The following EBPL variants were observed in gnomAD, a reference collection of about 807,000 sequenced individuals.
EBPL encodes emopamil-binding protein-like.
EBPL carries 20 observed loss-of-function variants against 19.0 expected under a neutral mutation model. The observed-to-expected ratio is 1.05, with a 90% confidence interval of 0.74 to 1.53. EBPL has a LOEUF of 1.53. Ranked by LOEUF, EBPL falls within the 40% of genes most tolerant of loss-of-function variation. The pLI is 0.00. For synonymous variants in EBPL, 107 were observed against 117.0 expected, an observed-to-expected ratio of 0.91 and a Z score of 0.55; for missense variants, 219 against 261.1, an observed-to-expected ratio of 0.84 and a Z score of 1.11.
chr13:49,676,271 GC>G (rs1566318168), intron 1 of EBPL, among the ~76,000 whole-genome samples: 1 of 152,168 alleles, frequency 6.6e-6, no homozygotes, highest in Non-Finnish European at 1.5e-5. Flanking sequence ...CTCCCCTGCT[GC>G]CTGGTAACCT....
In EBPL at chr13:49,663,149, T is replaced by G; in HGVS notation, c.288A>C (p.Pro96=). Residue 96 remains proline, a synonymous_variant, in exon 3 of 4, where the codon CCA becomes CCC. Transcript: ENST00000242827. ...KADARWVYFD[P]TIVSVEILTV... ...TCAGAATTTCCACAGACACAATGGT[T>G]GGATCAAAATAAACCCATCTTGCAT... 2 of 1,614,206 alleles carry G rather than the reference T, an allele frequency of 1.2e-6. No homozygotes were observed. The highest frequency in any genetic ancestry group is 1.7e-6 in the Non-Finnish European group (2 of 1,180,032).
intron 3 of EBPL, 58 bp downstream of exon 3, chr13:49,662,999 A>G: frequency 6.2e-7 from 1 of 1,601,152 alleles, no homozygotes; most frequent in Non-Finnish European, 8.5e-7. Flanking sequence ...AGGTCACCTA[A>G]GTGTTGGGAC....
chr13:49,682,692 C>T (rs9596170), intron 1 of EBPL, among the ~76,000 whole-genome samples: 23,918 of 152,162 alleles, frequency 0.16, 2,752 homozygotes, highest in East Asian at 0.65. Flanking sequence ...TTCTCACAGC[C>T]GTTTGAAGAA....
intron 1 of EBPL, among the ~76,000 whole-genome samples, chr13:49,678,993 G>A (rs1302199218): frequency 1.3e-5 from 1 of 75,564 alleles, no homozygotes; most frequent in Non-Finnish European, 2.3e-5. Flanking sequence ...GGGTGACAGA[G>A]TGAGACTCCG....
At chr13:49,682,483 G>C (rs1953952978) in intron 1 of EBPL, among the ~76,000 whole-genome samples, 1 of 152,210 alleles carries the variant, frequency 6.6e-6, no homozygotes, top group Non-Finnish European at 1.5e-5. Context: ...TAAGAGGACA[G>C]AGAAGAGAAT....
chr13:49,662,593 T>G (rs1184199264), intron 3 of EBPL, among the ~76,000 whole-genome samples: 1 of 152,112 alleles, frequency 6.6e-6, no homozygotes, highest in African/African-American at 2.4e-5. Flanking sequence ...ATGATCCTAG[T>G]AGCACCATCA....
At chr13:49,681,210 C>T (rs1351639900) in intron 1 of EBPL, among the ~76,000 whole-genome samples, 3 of 152,136 alleles carry the variant, frequency 2.0e-5, no homozygotes, top group Non-Finnish European at 4.4e-5. Context: ...GAGCTGCTAA[C>T]AAAATCAGCT....
At chr13:49,683,032 GGC>G (rs1953958732) in intron 1 of EBPL, among the ~76,000 whole-genome samples, 1 of 152,084 alleles carries the variant, frequency 6.6e-6, no homozygotes, top group Non-Finnish European at 1.5e-5. Flanking sequence ...GGAGTGCAGT[GGC>G]GCCATCTTGG....
intron 1 of EBPL, among the ~76,000 whole-genome samples, chr13:49,688,231 G>A (rs896134473): frequency 6.6e-6 from 1 of 152,126 alleles, no homozygotes; most frequent in Non-Finnish European, 1.5e-5. Context: ...TAGGCTGATG[G>A]GAAGTCAGCC....
chr13:49,688,042 C>T (rs1954018028), intron 1 of EBPL, among the ~76,000 whole-genome samples: 1 of 152,184 alleles, frequency 6.6e-6, no homozygotes, highest in South Asian at 2.1e-4. Flanking sequence ...GGATGTGTTC[C>T]ATACACAGGC....
intron 2 of EBPL, among the ~76,000 whole-genome samples, 183 bp downstream of exon 2, chr13:49,669,594 C>T (rs1594407320): frequency 2.0e-5 from 3 of 152,016 alleles, no homozygotes; most frequent in Admixed American, 2.0e-4. Flanking sequence ...TCATTTCCCC[C>T]CAACACCCCC....
chr13:49,681,303 CTTT>C (rs149728684), intron 1 of EBPL, among the ~76,000 whole-genome samples: 2 of 151,864 alleles, frequency 1.3e-5, no homozygotes, highest in Non-Finnish European at 2.9e-5. Context: ...AAATTTTTTT[CTTT>C]TTTTAAGATG....
chr13:49,672,356 A>G (rs1428063069), intron 1 of EBPL, among the ~76,000 whole-genome samples: 1 of 152,206 alleles, frequency 6.6e-6, no homozygotes, highest in Non-Finnish European at 1.5e-5. Flanking sequence ...AATGCTGATC[A>G]GGTGTCACCT....
chr13:49,675,636 A>G (rs1953866900), intron 1 of EBPL, among the ~76,000 whole-genome samples: 1 of 152,214 alleles, frequency 6.6e-6, no homozygotes, highest in Non-Finnish European at 1.5e-5. Flanking sequence ...ATTGTGGCTC[A>G]TAAGTCTGCT....
At chr13:49,670,770 T>TA (rs1278705410) in intron 1 of EBPL, among the ~76,000 whole-genome samples, 3 of 152,166 alleles carry the variant, frequency 2.0e-5, no homozygotes, top group Non-Finnish European at 4.4e-5. Context: ...GTAACTTAAG[T>TA]AAAAAAACTG....
Position 49,670,925 on chromosome 13 carries a change from G to A in EBPL, c.172-1079C>T, listed in dbSNP as rs74536503. 1.9e-3 allele frequency among the ~76,000 whole-genome samples: 296 copies of A among 152,256 alleles called. 2 individuals are homozygous for A. Among genetic ancestry groups the A allele is most frequent in the African/African-American group, 6.9e-3 (287 of 41,548 alleles). ...AGTTTGCTTGTGCATTGTTGAGACT[G>A]ATTACATGTCCTTTCTTGTTCTCTA... On this transcript the variant is annotated intron_variant, in intron 1 of 3. Transcript: ENST00000242827.
chr13:49,678,842 A>G (rs1953910364), intron 1 of EBPL, among the ~76,000 whole-genome samples: 2 of 151,680 alleles, frequency 1.3e-5, no homozygotes, highest in Admixed American at 1.3e-4. Context: ...TCAATATTAA[A>G]AAATACAAAA....
rs542470837 is a variant in EBPL, at chr13:49,664,432, G to A, written c.242-1237C>T. 2.9e-4 allele frequency among the ~76,000 whole-genome samples: 44 copies of A among 152,210 alleles called. 1 individual carries two copies. In the South Asian group the frequency reaches 3.7e-3, roughly 13 times the overall value. ...ACACAGTCTCAGCTGTGCTGCTTGG[G>A]GAGCCAGTGTGCTCTCAGAGATCCA... is the stretch of plus-strand genomic sequence containing the variant. On this transcript the variant is annotated intron_variant, in intron 2 of 3. Transcript: ENST00000242827.
intron 1 of EBPL, among the ~76,000 whole-genome samples, chr13:49,685,502 A>G (rs1421758986): frequency 6.6e-6 from 1 of 152,194 alleles, no homozygotes; most frequent in Non-Finnish European, 1.5e-5. Flanking sequence ...CAGGCTATAG[A>G]AGGAGGATCC....
Sources: allele counts gnomAD v4.1 joint callset (sites outside exome capture counted in the v4.1 genomes callset), GRCh38; gene constraint gnomAD v4.1.1; transcripts MANE v1.5; gene names NCBI Gene and HGNC (gene_info 2026-07-23, HGNC 2026-07-21).